GALNT17: variants seen among roughly 807,000 people sequenced by gnomAD.
GALNT17 encodes the protein polypeptide N-acetylgalactosaminyltransferase 17.
GALNT17 carries 29 observed loss-of-function variants against 63.7 expected under a neutral mutation model. The ratio of observed to expected loss-of-function variants is 0.46; its 90% CI spans 0.34 to 0.62. The LOEUF is 0.62. Ranked by LOEUF, GALNT17 falls within the 20% of genes least tolerant of loss-of-function variation. The pLI is 0.01. For synonymous variants in GALNT17, 305 were observed against 318.3 expected (o/e 0.96, Z 0.45); for missense variants, 603 against 799.6 (o/e 0.75, Z 2.97).
chr7:71,641,329 T>C (rs1238191193), intron 6 of GALNT17, among the ~76,000 whole-genome samples: 1 of 152,200 alleles, frequency 6.6e-6, no homozygotes, highest in Non-Finnish European at 1.5e-5. Context: ...GACCTTCATT[T>C]CCTCATCTGT....
intron 3 of GALNT17, among the ~76,000 whole-genome samples, chr7:71,389,695 C>G (rs1793014359): frequency 6.6e-6 from 1 of 152,100 alleles, no homozygotes; most frequent in African/African-American, 2.4e-5. Context: ...CACTCCCCAC[C>G]CCGCACCCCA....
At chr7:71,294,863 C>A (rs892359940) in intron 1 of GALNT17, among the ~76,000 whole-genome samples, 5 of 152,164 alleles carry the variant, frequency 3.3e-5, no homozygotes, top group Non-Finnish European at 7.4e-5. Context: ...ATTTGCCCCC[C>A]TTTTCCAAGA....
intron 1 of GALNT17, among the ~76,000 whole-genome samples, chr7:71,330,114 A>G (rs1004589462): frequency 1.3e-5 from 2 of 149,842 alleles, no homozygotes; most frequent in African/African-American, 4.9e-5. Context: ...CCAGGTTCAA[A>G]TGATTCTCCT....
intron 1 of GALNT17, among the ~76,000 whole-genome samples, chr7:71,267,243 G>A (rs1289958949): frequency 1.3e-5 from 2 of 152,212 alleles, no homozygotes; most frequent in Admixed American, 6.5e-5. Flanking sequence ...TAAAGATGTA[G>A]GTGTCCTTTG....
At chr7:71,250,313 TTTA>T (rs1790173770) in intron 1 of GALNT17, among the ~76,000 whole-genome samples, 1 of 152,192 alleles carries the variant, frequency 6.6e-6, no homozygotes. Context: ...TAATGTATAA[TTTA>T]TTATTAATTT....
intron 1 of GALNT17, among the ~76,000 whole-genome samples, chr7:71,310,840 C>T (rs554022684): frequency 1.1e-4 from 17 of 152,212 alleles, no homozygotes; most frequent in South Asian, 2.1e-4. Flanking sequence ...GAATGCCACG[C>T]GATGTTCTGC....
intron 1 of GALNT17, among the ~76,000 whole-genome samples, chr7:71,144,909 T>TAGTAGAGATGGGGTTTCACCATG (rs1787986891): frequency 6.6e-6 from 1 of 152,152 alleles, no homozygotes; most frequent in Non-Finnish European, 1.5e-5. Context: ...TTTGTATTTT[T>TAGTAGAGATGGGGTTTCACCATG]AGTAGAGATG....
At chr7:71,536,830 T>C (rs955675713) in intron 5 of GALNT17, among the ~76,000 whole-genome samples, 1 of 152,190 alleles carries the variant, frequency 6.6e-6, no homozygotes, top group Non-Finnish European at 1.5e-5. Context: ...GGTTAAGTGA[T>C]GGCAAATGCC....
chr7:71,517,319 G>A (rs1788460962), intron 5 of GALNT17, among the ~76,000 whole-genome samples: 1 of 151,948 alleles, frequency 6.6e-6, no homozygotes, highest in South Asian at 2.1e-4. Flanking sequence ...TCATCATTGG[G>A]GCCCCACTCA....
At position 71,654,842 on chromosome 7, in the gene GALNT17, GC is replaced by G. The variant is rs200962789; in HGVS notation, c.1081-10568del. On this transcript the variant is annotated intron_variant, in intron 6 of 10. Transcript: ENST00000333538. Reference sequence around the variant, plus strand: ...TCTTGCTTGTCGCCCAGACTAGAAAGCAGTGGCACGATCTCGGCTCACTGCA... The same window carrying G: ...TCTTGCTTGTCGCCCAGACTAGAAAGAGTGGCACGATCTCGGCTCACTGCA... Among the ~76,000 whole-genome samples, 821 of 152,222 alleles carry G rather than the reference GC, an allele frequency of 5.4e-3. 16 individuals carry two copies. Among genetic ancestry groups the G allele is most frequent in the African/African-American group, 0.019 (786 of 41,554 alleles).
chr7:71,492,135 C>T (rs1425481086), intron 5 of GALNT17, among the ~76,000 whole-genome samples: 1 of 152,014 alleles, frequency 6.6e-6, no homozygotes, highest in Non-Finnish European at 1.5e-5. Flanking sequence ...CAAAATTAGT[C>T]GGGCGTGGTG....
At chr7:71,498,349 C>T (rs899139244) in intron 5 of GALNT17, among the ~76,000 whole-genome samples, 10 of 151,928 alleles carry the variant, frequency 6.6e-5, no homozygotes, top group Non-Finnish European at 1.0e-4. Context: ...TGGCGGTTCA[C>T]GTCTGTAATC....
intron 5 of GALNT17, among the ~76,000 whole-genome samples, chr7:71,472,091 G>A (rs1309426102): frequency 6.6e-6 from 1 of 152,044 alleles, no homozygotes; most frequent in Non-Finnish European, 1.5e-5. Flanking sequence ...ATCTGGCAAG[G>A]GCCCATTTCC....
chr7:71,236,833 T>G (rs918601762), intron 1 of GALNT17, among the ~76,000 whole-genome samples: 1 of 152,130 alleles, frequency 6.6e-6, no homozygotes, highest in African/African-American at 2.4e-5. Flanking sequence ...GAGAAAATAA[T>G]AATCTAAGCC....
At chr7:71,605,006 T>G (rs1026468886) in intron 6 of GALNT17, among the ~76,000 whole-genome samples, 2 of 152,188 alleles carry the variant, frequency 1.3e-5, no homozygotes, top group Non-Finnish European at 2.9e-5. Context: ...CGTATCACAT[T>G]GTGGACAGAG....
chr7:71,248,259 C>G (rs1251626872), intron 1 of GALNT17, among the ~76,000 whole-genome samples: 1 of 152,140 alleles, frequency 6.6e-6, no homozygotes, highest in East Asian at 1.9e-4. Context: ...GTCGTGAGAA[C>G]AGCATAGAGG....
chr7:71,410,215 G>A (rs937619456), intron 3 of GALNT17, among the ~76,000 whole-genome samples: 4 of 151,142 alleles, frequency 2.6e-5, no homozygotes, highest in Non-Finnish European at 5.9e-5. Context: ...TGCACGCTTG[G>A]TTTATTTTAA....
chr7:71,494,159 T>C (rs4719129), intron 5 of GALNT17, among the ~76,000 whole-genome samples: 152,070 of 152,192 alleles, frequency 1, 75,974 homozygotes, highest in Middle Eastern at 1. Flanking sequence ...TCTCAGATGG[T>C]GGGAGGAGAG....
intron 1 of GALNT17, among the ~76,000 whole-genome samples, chr7:71,252,104 G>A (rs1313679986): frequency 1.3e-5 from 2 of 151,980 alleles, no homozygotes; most frequent in African/African-American, 2.4e-5. Flanking sequence ...TCACCACCAG[G>A]GCATGTGTTT....
Sources: gnomAD v4.1 joint callset for allele counts (sites outside exome capture counted in the v4.1 genomes callset) on GRCh38, gnomAD v4.1.1 for gene constraint, MANE v1.5 for transcripts, NCBI Gene and HGNC (gene_info 2026-07-23, HGNC 2026-07-21) for gene names.